RAPGEF2: variants seen among roughly 807,000 people sequenced by gnomAD.
RAPGEF2 encodes the protein PDZ domain containing guanine nucleotide exchange factor (GEF) 1.
RAPGEF2 carries 54 observed loss-of-function variants against 186.7 expected under a neutral mutation model. The ratio of observed to expected loss-of-function variants is 0.29; its 90% confidence interval spans 0.23 to 0.36. The LOEUF is 0.36. Ranked by LOEUF, RAPGEF2 falls within the 10% of genes least tolerant of loss-of-function variation. The pLI, the probability that RAPGEF2 is intolerant of heterozygous loss-of-function variation, is 1.00. For synonymous variants in RAPGEF2, 712 were observed against 705.9 expected (o/e 1.01, Z -0.14); for missense variants, 1,532 against 2,045.0 (o/e 0.75, Z 4.84).
chr4:159,164,008 GTT>G (rs879751797), intron 1 of RAPGEF2, among the ~76,000 whole-genome samples: 3 of 145,460 alleles, frequency 2.1e-5, no homozygotes, highest in Non-Finnish European at 3.0e-5. Context: ...AGTACTGGTA[GTT>G]TTTTTTTTTT....
intron 1 of RAPGEF2, among the ~76,000 whole-genome samples, chr4:159,178,651 G>A (rs981726338): frequency 8.3e-5 from 11 of 132,584 alleles, no homozygotes; most frequent in South Asian, 2.5e-4. Context: ...TCCACCTCCC[G>A]GGTTCAAGCG....
At chr4:159,260,488 G>A (rs918458684) in intron 7 of RAPGEF2, among the ~76,000 whole-genome samples, 1 of 151,910 alleles carries the variant, frequency 6.6e-6, no homozygotes, top group Non-Finnish European at 1.5e-5. Context: ...GCTGATGTTT[G>A]GTAACTGCCA....
chr4:159,188,815 T>C (rs1164854642), intron 2 of RAPGEF2, among the ~76,000 whole-genome samples: 1 of 152,170 alleles, frequency 6.6e-6, no homozygotes, highest in Admixed American at 6.5e-5. Flanking sequence ...TATAGTTGAG[T>C]CTATTTACAC....
intron 1 of RAPGEF2, among the ~76,000 whole-genome samples, chr4:159,162,015 A>G (rs1339793847): frequency 6.6e-6 from 1 of 152,220 alleles, no homozygotes; most frequent in Admixed American, 6.5e-5. Flanking sequence ...TGCAGCATGC[A>G]AACAGCTGTA....
Position 159,335,663 on chromosome 4 carries a change from G to A in RAPGEF2, c.2136-2648G>A, listed in dbSNP as rs543445641. On this transcript the variant is annotated intron_variant, in intron 17 of 29. Coordinates refer to ENST00000691494, the MANE Select transcript of RAPGEF2 (RefSeq NM_001394067.2). ...GAGATCGAGACCACGGTGAAACCCC[G>A]TCTCTACTAAAAATACAAAACATTA... Among the ~76,000 whole-genome samples, 108 of 151,946 alleles carry A rather than the reference G, an allele frequency of 7.1e-4. 1 individual carries two copies. Among genetic ancestry groups the A allele is most frequent in the African/African-American group, 2.5e-3 (103 of 41,474 alleles).
intron 7 of RAPGEF2, among the ~76,000 whole-genome samples, chr4:159,276,947 A>C (rs1477723716): frequency 1.3e-5 from 2 of 152,148 alleles, no homozygotes; most frequent in African/African-American, 4.8e-5. Flanking sequence ...ATTATACTTT[A>C]AGTTGTAGTG....
At chr4:159,325,622 G>A (rs1765821026) in intron 11 of RAPGEF2, among the ~76,000 whole-genome samples, 1 of 151,846 alleles carries the variant, frequency 6.6e-6, no homozygotes, top group African/African-American at 2.4e-5. Context: ...TGAGAATTCA[G>A]CCATTGCATT....
At position 159,275,029 on chromosome 4, in the gene RAPGEF2, T is replaced by A. The variant is rs80320837; in HGVS notation, c.544-29313T>A. On this transcript the variant is annotated intron_variant, in intron 7 of 29. Transcript: ENST00000691494. ...CTGAACCCCTAACATAGGCCTTATA[T>A]GTAGTTATGTTTTTCTCTGTCTCTC... Among the ~76,000 whole-genome samples the A allele has an allele frequency of 9.9e-3, 1,492 of 150,714 alleles. 22 individuals carry two copies. The highest frequency in any genetic ancestry group is 0.034 in the African/African-American group (1,392 of 41,022).
intron 1 of RAPGEF2, among the ~76,000 whole-genome samples, chr4:159,145,034 A>G (rs1742787739): frequency 6.6e-6 from 1 of 151,736 alleles, no homozygotes; most frequent in South Asian, 2.1e-4. Context: ...AACTGCAGGC[A>G]TGCACCAGTA....
At chr4:159,165,766 T>C (rs1745239865) in intron 1 of RAPGEF2, among the ~76,000 whole-genome samples, 1 of 152,066 alleles carries the variant, frequency 6.6e-6, no homozygotes, top group African/African-American at 2.4e-5. Flanking sequence ...CTAATTTGTT[T>C]AGTTTTTGTA....
intron 1 of RAPGEF2, among the ~76,000 whole-genome samples, chr4:159,118,319 C>G (rs1422958894): frequency 6.6e-6 from 1 of 152,174 alleles, no homozygotes; most frequent in South Asian, 2.1e-4. Context: ...GAATCTAATG[C>G]TTGATGATCT....
chr4:159,150,698 C>T (rs577643442), intron 1 of RAPGEF2, among the ~76,000 whole-genome samples: 1 of 152,320 alleles, frequency 6.6e-6, no homozygotes, highest in East Asian at 1.9e-4. Flanking sequence ...GTGCATGTCC[C>T]TTGAATGACC....
In RAPGEF2 at chr4:159,193,931, C is replaced by T. The variant is rs762825156; in HGVS notation, c.197+675C>T. ...ATTTATTCAAATAAATAAGTCCCAG[C>T]TTCTGCCTTTAAGGAGTTCATAATC... is the stretch of plus-strand genomic sequence containing the variant. On this transcript the variant is annotated intron_variant, in intron 3 of 29. Coordinates refer to ENST00000691494, the MANE Select transcript of RAPGEF2 (RefSeq NM_001394067.2). Among the ~76,000 whole-genome samples the T allele has an allele frequency of 2.5e-4, 38 of 152,290 alleles. No individual in the cohort carries two copies. The Middle Eastern group carries it at 0.01, about 41-fold the overall frequency.
chr4:159,230,975 A>G (rs1321389484), intron 4 of RAPGEF2, among the ~76,000 whole-genome samples: 2 of 152,206 alleles, frequency 1.3e-5, no homozygotes, highest in African/African-American at 4.8e-5. Context: ...AAATAGCACA[A>G]TAATATATAT....
chr4:159,245,313 G>A (rs1390118248), intron 7 of RAPGEF2, among the ~76,000 whole-genome samples: 1 of 152,040 alleles, frequency 6.6e-6, no homozygotes, highest in African/African-American at 2.4e-5. Context: ...AAGGAAGATT[G>A]GAGATGGCTT....
chr4:159,251,799 C>T (rs548322778), intron 7 of RAPGEF2, among the ~76,000 whole-genome samples: 5 of 151,948 alleles, frequency 3.3e-5, no homozygotes, highest in African/African-American at 9.7e-5. Flanking sequence ...ATGGACCAAT[C>T]AGCAGGATGT....
chr4:159,164,308 T>G (rs1007654818), intron 1 of RAPGEF2, among the ~76,000 whole-genome samples: 4 of 151,728 alleles, frequency 2.6e-5, no homozygotes, highest in Non-Finnish European at 4.4e-5. Context: ...CCGGCTGTTT[T>G]TTTTTTTTTT....
At chr4:159,319,356 C>T (rs1764971529) in intron 9 of RAPGEF2, among the ~76,000 whole-genome samples, 1 of 152,096 alleles carries the variant, frequency 6.6e-6, no homozygotes, top group Non-Finnish European at 1.5e-5. Flanking sequence ...AAGTTGTGCA[C>T]TCCCTATGAG....
chr4:159,112,948 A>G (rs1427861142), intron 1 of RAPGEF2, among the ~76,000 whole-genome samples: 2 of 152,230 alleles, frequency 1.3e-5, no homozygotes, highest in Non-Finnish European at 2.9e-5. Context: ...AGACATGTCA[A>G]CATCATGTGT....
Sources: gnomAD v4.1 joint callset for allele counts (sites outside exome capture counted in the v4.1 genomes callset) on GRCh38, gnomAD v4.1.1 for gene constraint, MANE v1.5 for transcripts, NCBI Gene and HGNC (gene_info 2026-07-23, HGNC 2026-07-21) for gene names.